HDAC9: variants seen among roughly 807,000 people sequenced by gnomAD.
HDAC9 encodes MEF-2 interacting transcription repressor (MITR) protein.
Under a neutral mutation model 139.4 loss-of-function variants are expected in HDAC9, and 41 were observed. The observed-to-expected ratio is 0.29, with a 90% CI of 0.23 to 0.38. The LOEUF is 0.38. Ranked by LOEUF, HDAC9 falls within the 10% of genes least tolerant of loss-of-function variation. HDAC9 has a pLI of 1.00. For synonymous variants in HDAC9, 517 were observed against 476.2 expected, an observed-to-expected ratio of 1.09 and a Z score of -1.12; for missense variants, 1,147 against 1,297.0, an observed-to-expected ratio of 0.88 and a Z score of 1.78.
At chr7:18,452,588 A>G (rs1007161771) in intron 1 of HDAC9, among the ~76,000 whole-genome samples, 2 of 152,190 alleles carry the variant, frequency 1.3e-5, no homozygotes, top group African/African-American at 4.8e-5. Flanking sequence ...TCCTCACCCA[A>G]ATCTTACCTA....
At chr7:18,973,551 G>A (rs1204735858) in intron 24 of HDAC9, among the ~76,000 whole-genome samples, 1 of 152,126 alleles carries the variant, frequency 6.6e-6, no homozygotes, top group Non-Finnish European at 1.5e-5. Context: ...TGGTGAGACT[G>A]AATTTCCTCC....
At chr7:18,750,584 AT>A (rs199920497) in intron 14 of HDAC9, among the ~76,000 whole-genome samples, 2 of 150,752 alleles carry the variant, frequency 1.3e-5, no homozygotes, top group African/African-American at 2.4e-5. Flanking sequence ...TCTATTACTC[AT>A]TTTTTTTTGC....
At chr7:18,095,052 A>G (rs545901595) in intron 1 of HDAC9, among the ~76,000 whole-genome samples, 10 of 152,232 alleles carry the variant, frequency 6.6e-5, no homozygotes, top group Non-Finnish European at 1.3e-4. Context: ...GCCTCTTGCA[A>G]TGGAAAGAGA....
intron 25 of HDAC9, among the ~76,000 whole-genome samples, chr7:18,988,893 T>A: frequency 6.8e-6 from 1 of 146,810 alleles, no homozygotes; most frequent in South Asian, 2.2e-4. Flanking sequence ...AACCCCTGCC[T>A]TTTTTTGTTT....
chr7:18,332,971 T>G (rs1781308193), intron 1 of HDAC9, among the ~76,000 whole-genome samples: 1 of 151,622 alleles, frequency 6.6e-6, no homozygotes, highest in East Asian at 1.9e-4. Flanking sequence ...TGAAAAGCCT[T>G]AATTTATTTT....
At chr7:18,609,076 A>G (rs1321380066) in intron 6 of HDAC9, among the ~76,000 whole-genome samples, 1 of 152,144 alleles carries the variant, frequency 6.6e-6, no homozygotes, top group Non-Finnish European at 1.5e-5. Flanking sequence ...GTCATTATAT[A>G]TATTTTGAAG....
At chr7:18,461,283 A>G (rs2128110053) in intron 1 of HDAC9, among the ~76,000 whole-genome samples, 1 of 152,344 alleles carries the variant, frequency 6.6e-6, no homozygotes, top group African/African-American at 2.4e-5. Flanking sequence ...ATAAAATTTA[A>G]AAATAAAAAT....
At chr7:18,560,070 T>C (rs987869183) in intron 2 of HDAC9, among the ~76,000 whole-genome samples, 4 of 152,322 alleles carry the variant, frequency 2.6e-5, no homozygotes, top group South Asian at 4.1e-4. Context: ...ATGTTTCTCT[T>C]TCCAAGAGGC....
chr7:18,762,266 G>C lies in HDAC9; in HGVS notation c.2153G>C (p.Arg718Thr). Residue 718 changes from arginine to threonine, a missense_variant, in exon 15 of 26, where the codon AGG becomes ACG. Coordinates refer to ENST00000686413, the MANE Select transcript of HDAC9 (RefSeq NM_178425.4). The stretch of plus-strand genomic sequence containing the variant: ...CTGGACGGACAGAAGCTGGACCCCA[G>C]GATACTCCTAGGTCTGTACGGGCCT... Reference protein sequence around the residue: ...NPLDGQKLDPRILLGDDSQKF... With the variant: ...NPLDGQKLDPTILLGDDSQKF... The C allele has an allele frequency of 1.2e-6, 2 of 1,613,474 alleles. No individual in the cohort carries two copies. The highest frequency in any genetic ancestry group is 1.7e-6 in the Non-Finnish European group (2 of 1,179,634).
chr7:18,956,699 C>T (rs939170079), intron 24 of HDAC9, among the ~76,000 whole-genome samples: 2 of 152,114 alleles, frequency 1.3e-5, no homozygotes, highest in African/African-American at 4.8e-5. Context: ...CACCAGATAC[C>T]GTGCAACTCA....
At chr7:18,740,528 G>A (rs374698957) in intron 13 of HDAC9, among the ~76,000 whole-genome samples, 10 of 152,162 alleles carry the variant, frequency 6.6e-5, no homozygotes, top group South Asian at 4.2e-4. Context: ...TCCACTAAGC[G>A]GGCATGGCCC....
chr7:18,234,607 A>G (rs1793692223), intron 2 of HDAC9, among the ~76,000 whole-genome samples: 1 of 152,202 alleles, frequency 6.6e-6, no homozygotes, highest in East Asian at 1.9e-4. Context: ...CCAACTTGAT[A>G]ATGAGTGGAA....
chr7:18,594,929 G>A (rs1162332999), intron 6 of HDAC9, among the ~76,000 whole-genome samples: 1 of 151,998 alleles, frequency 6.6e-6, no homozygotes, highest in Non-Finnish European at 1.5e-5. Context: ...ACTTGAAGAA[G>A]TATAGATTTA....
intron 3 of HDAC9, among the ~76,000 whole-genome samples, chr7:18,585,988 G>A (rs530812317): frequency 2.6e-4 from 39 of 152,186 alleles, no homozygotes; most frequent in African/African-American, 7.9e-4. Flanking sequence ...GAGTATGTCC[G>A]ACTCTTCCTT....
At chr7:18,274,117 G>T (rs184561631) in intron 2 of HDAC9, among the ~76,000 whole-genome samples, 10 of 152,126 alleles carry the variant, frequency 6.6e-5, no homozygotes, top group Non-Finnish European at 1.5e-4. Context: ...AAAGGGACAT[G>T]TACAGGAATA....
At chr7:18,863,316 T>G (rs1056920557) in intron 21 of HDAC9, among the ~76,000 whole-genome samples, 1 of 152,190 alleles carries the variant, frequency 6.6e-6, no homozygotes, top group Non-Finnish European at 1.5e-5. Context: ...TGCTAGACTT[T>G]AGCTTGTCCA....
chr7:18,361,096 T>A lies in HDAC9; in HGVS notation c.-42+70581T>A, dbSNP rs551200009. On this transcript the variant is annotated intron_variant, in intron 1 of 3. Transcript: ENST00000413509. ...ATAAGAAAGTGCTTTAGCTAGCAAATTTTTTTTTTCCTCCCAGGTGGTTCT... is the reference window on the plus strand; with the variant it reads ...ATAAGAAAGTGCTTTAGCTAGCAAAATTTTTTTTTCCTCCCAGGTGGTTCT... 1.5e-4 allele frequency among the ~76,000 whole-genome samples: 22 copies of A among 148,412 alleles called. No individual in the cohort carries two copies. In the East Asian group the frequency reaches 2.1e-3, roughly 14 times the overall value.
At chr7:18,758,269 T>C (rs1372322810) in intron 14 of HDAC9, among the ~76,000 whole-genome samples, 2 of 152,206 alleles carry the variant, frequency 1.3e-5, no homozygotes, top group African/African-American at 4.8e-5. Flanking sequence ...AAAAATCTTT[T>C]TGGGCAGGCT....
chr7:18,628,426 A>C (rs556824031), intron 6 of HDAC9, among the ~76,000 whole-genome samples: 4 of 152,188 alleles, frequency 2.6e-5, no homozygotes, highest in African/African-American at 7.2e-5. Context: ...ACTGGAACAT[A>C]AAAAAGACTA....
Sources: allele counts gnomAD v4.1 joint callset (sites outside exome capture counted in the v4.1 genomes callset), GRCh38; gene constraint gnomAD v4.1.1; transcripts MANE v1.5; gene names NCBI Gene and HGNC (gene_info 2026-07-23, HGNC 2026-07-21).